The following SHB variants were observed in gnomAD, a reference collection of about 807,000 sequenced individuals.
SHB encodes the protein SH2 domain-containing adapter protein B.
A neutral mutation model predicts 52.3 loss-of-function variants in SHB; 20 were observed. That is an observed-to-expected ratio of 0.38 (90% CI 0.27 to 0.56). The LOEUF is 0.56. Among genes scored for constraint, SHB ranks in the 20% least tolerant of loss-of-function variants. The probability of loss-of-function intolerance (pLI) is 0.71; values close to 1 mark genes in which losing one functional copy is unlikely to be tolerated. For synonymous variants in SHB, 397 were observed against 316.5 expected, an observed-to-expected ratio of 1.25 and a Z score of -2.70; for missense variants, 825 against 723.3, an observed-to-expected ratio of 1.14 and a Z score of -1.61.
intron 5 of SHB, among the ~76,000 whole-genome samples, chr9:37,938,770 G>A (rs552598759): frequency 1.5e-4 from 23 of 152,358 alleles, no homozygotes; most frequent in Non-Finnish European, 2.6e-4. Context: ...TCCAGGGAGG[G>A]AACCCCAGCC....
At chr9:38,028,366 G>A (rs1821371006) in intron 1 of SHB, among the ~76,000 whole-genome samples, 1 of 152,210 alleles carries the variant, frequency 6.6e-6, no homozygotes, top group Non-Finnish European at 1.5e-5. Flanking sequence ...ATGTGGGCCA[G>A]GCCATAGTCC....
At chr9:38,033,892 G>A (rs1000084226) in intron 1 of SHB, among the ~76,000 whole-genome samples, 1 of 152,156 alleles carries the variant, frequency 6.6e-6, no homozygotes, top group Admixed American at 6.5e-5. Context: ...TTTAAGAAGG[G>A]GGAGGTGGCT....
chr9:37,948,864 A>C, intron 4 of SHB, 110 bp from the exon 5 acceptor site: 1 of 1,414,758 alleles, frequency 7.1e-7, no homozygotes, highest in South Asian at 1.3e-5. Context: ...ACAAGCAGGC[A>C]TGCACTGGTT....
intron 1 of SHB, among the ~76,000 whole-genome samples, chr9:38,060,335 G>A (rs562218622): frequency 4.6e-5 from 7 of 152,082 alleles, no homozygotes; most frequent in African/African-American, 1.7e-4. Flanking sequence ...CCAACACGCC[G>A]AGCTAATTTT....
At chr9:37,962,492 A>G (rs1411628668) in intron 3 of SHB, among the ~76,000 whole-genome samples, 1 of 148,570 alleles carries the variant, frequency 6.7e-6, no homozygotes, top group Non-Finnish European at 1.5e-5. Flanking sequence ...ACAGTTTTGA[A>G]AAATGGCTTC....
chr9:37,988,347 A>C (rs557543757), intron 2 of SHB, among the ~76,000 whole-genome samples: 6 of 152,308 alleles, frequency 3.9e-5, no homozygotes, highest in African/African-American at 1.4e-4. Flanking sequence ...GGGTTGAACC[A>C]GATGATCTCA....
At chr9:37,927,951 T>TCTC (rs1491299825) in intron 5 of SHB, among the ~76,000 whole-genome samples, 1 of 138,900 alleles carries the variant, frequency 7.2e-6, no homozygotes, top group Admixed American at 7.1e-5. Context: ...TCTTTCTCTC[T>TCTC]TTTTTTTTTT....
At chr9:38,063,794 T>G (rs1821924728) in intron 1 of SHB, among the ~76,000 whole-genome samples, 1 of 136,782 alleles carries the variant, frequency 7.3e-6, no homozygotes, top group African/African-American at 2.9e-5. Flanking sequence ...GTTTGCTGGA[T>G]GTTTTTTTTT....
intron 5 of SHB, among the ~76,000 whole-genome samples, chr9:37,932,919 G>A (rs1832330444): frequency 6.6e-6 from 1 of 152,152 alleles, no homozygotes; most frequent in Non-Finnish European, 1.5e-5. Flanking sequence ...CTAGCTCTTA[G>A]TAACCTTCTT....
At chr9:37,979,620 G>GAA (rs111982445) in intron 2 of SHB, among the ~76,000 whole-genome samples, 9 of 135,228 alleles carry the variant, frequency 6.7e-5, no homozygotes, top group African/African-American at 1.6e-4. Context: ...GTGCCTCCCT[G>GAA]AAAAAAAAAA....
intron 3 of SHB, among the ~76,000 whole-genome samples, chr9:37,970,905 T>C (rs540958493): frequency 6.6e-6 from 1 of 152,152 alleles, no homozygotes; most frequent in Admixed American, 6.5e-5. Context: ...TTGAAAGCAC[T>C]GACCCCATTC....
chr9:37,977,310 G>A (rs1200848284), intron 2 of SHB, among the ~76,000 whole-genome samples: 1 of 152,176 alleles, frequency 6.6e-6, no homozygotes, highest in Non-Finnish European at 1.5e-5. Flanking sequence ...GGTGAGATTT[G>A]CAAGTGTTGG....
chr9:37,939,599 G>A (rs1832413672), intron 5 of SHB, among the ~76,000 whole-genome samples: 1 of 152,168 alleles, frequency 6.6e-6, no homozygotes, highest in African/African-American at 2.4e-5. Context: ...CTGGGCACAG[G>A]GCTCATGGTC....
chr9:37,934,277 AAAG>A (rs1741157708), intron 5 of SHB, among the ~76,000 whole-genome samples: 1 of 152,112 alleles, frequency 6.6e-6, no homozygotes, highest in South Asian at 2.1e-4. Flanking sequence ...GAGCACCCTA[AAAG>A]GTGCATGGGG....
chr9:38,015,774 C>T (rs758662379), intron 2 of SHB, among the ~76,000 whole-genome samples: 1 of 152,226 alleles, frequency 6.6e-6, no homozygotes, highest in African/African-American at 2.4e-5. Flanking sequence ...GTTAACTGCA[C>T]GTGATATCCT....
Position 37,946,720 on chromosome 9 carries a change from C to A in SHB, c.1346+1915G>T, listed in dbSNP as rs12349953. Among the ~76,000 whole-genome samples the A allele has an allele frequency of 5.0e-3, 756 of 152,294 alleles. 11 individuals carry two copies. The highest frequency in any genetic ancestry group is 0.017 in the African/African-American group (688 of 41,568). On this transcript the variant is annotated intron_variant, in intron 5 of 5. Transcript: ENST00000377707. ...GGCATGGAGTGCTCTGTCCTGTCCT[C>A]CCTGATCCTTTCGTGGAGGCCCCTC... is the stretch of plus-strand genomic sequence containing the variant.
At chr9:37,922,481 AAG>A (rs1279579959) in intron 5 of SHB, among the ~76,000 whole-genome samples, 1 of 152,194 alleles carries the variant, frequency 6.6e-6, no homozygotes, top group Non-Finnish European at 1.5e-5. Context: ...TGCCAGGCTG[AAG>A]AGAGTCTAGA....
chr9:38,015,140 C>T (rs1001498276), intron 2 of SHB, among the ~76,000 whole-genome samples: 1 of 152,214 alleles, frequency 6.6e-6, no homozygotes, highest in Non-Finnish European at 1.5e-5. Flanking sequence ...CTGATGTGCC[C>T]CTGCCCATGG....
chr9:37,959,561 T>C (rs961911804), intron 3 of SHB, among the ~76,000 whole-genome samples: 2 of 152,116 alleles, frequency 1.3e-5, no homozygotes, highest in Non-Finnish European at 2.9e-5. Flanking sequence ...AAATCAGGAT[T>C]GGGGGATTTC....
Sources: allele counts gnomAD v4.1 joint callset (sites outside exome capture counted in the v4.1 genomes callset), GRCh38; gene constraint gnomAD v4.1.1; transcripts MANE v1.5; gene names NCBI Gene and HGNC (gene_info 2026-07-23, HGNC 2026-07-21).